Variants in HS6ST3 observed in about 807,000 individuals in gnomAD.
HS6ST3 encodes heparan-sulfate 6-O-sulfotransferase 3.
HS6ST3 carries 12 observed loss-of-function variants against 36.7 expected under a neutral mutation model. The ratio of observed to expected loss-of-function variants is 0.33; its 90% CI spans 0.21 to 0.53. The LOEUF (loss-of-function observed/expected upper bound fraction) is 0.53, where lower values mean the gene tolerates loss of function less well. Among genes scored for constraint, HS6ST3 ranks in the 20% least tolerant of loss-of-function variants. HS6ST3 has a pLI of 0.95. For synonymous variants in HS6ST3, 240 were observed against 257.5 expected (o/e 0.93, Z 0.65); for missense variants, 584 against 640.9 (o/e 0.91, Z 0.96).
intron 1 of HS6ST3, among the ~76,000 whole-genome samples, chr13:96,781,037 CA>C (rs1325264192): frequency 6.6e-6 from 1 of 151,944 alleles, no homozygotes; most frequent in Non-Finnish European, 1.5e-5. Flanking sequence ...GAGCCTAGAA[CA>C]GTCCATTTTA....
At chr13:96,767,979 T>A (rs1364675706) in intron 1 of HS6ST3, among the ~76,000 whole-genome samples, 1 of 152,170 alleles carries the variant, frequency 6.6e-6, no homozygotes, top group Non-Finnish European at 1.5e-5. Flanking sequence ...TTGGAAGCCG[T>A]TATACTTTTG....
chr13:96,308,039 A>T (rs1437985477), intron 1 of HS6ST3, among the ~76,000 whole-genome samples: 1 of 152,164 alleles, frequency 6.6e-6, no homozygotes, highest in African/African-American at 2.4e-5. Context: ...AATAACATTT[A>T]ACTACCACTT....
intron 1 of HS6ST3, among the ~76,000 whole-genome samples, chr13:96,210,963 A>T (rs1187076923): frequency 6.7e-6 from 1 of 149,286 alleles, no homozygotes; most frequent in Admixed American, 6.7e-5. Context: ...ACAGAGTCTC[A>T]CTCTGTTGCC....
At chr13:96,179,544 T>C (rs1039920103) in intron 1 of HS6ST3, among the ~76,000 whole-genome samples, 1 of 152,218 alleles carries the variant, frequency 6.6e-6, no homozygotes, top group Non-Finnish European at 1.5e-5. Flanking sequence ...GGGAACAAGA[T>C]AAATGTAGTT....
chr13:96,260,403 C>T (rs1386147675), intron 1 of HS6ST3, among the ~76,000 whole-genome samples: 1 of 151,920 alleles, frequency 6.6e-6, no homozygotes, highest in Non-Finnish European at 1.5e-5. Flanking sequence ...GCTCTGCCTC[C>T]TGGGTTCAAG....
At chr13:96,571,563 G>A (rs956669560) in intron 1 of HS6ST3, among the ~76,000 whole-genome samples, 1 of 152,126 alleles carries the variant, frequency 6.6e-6, no homozygotes, top group Non-Finnish European at 1.5e-5. Flanking sequence ...ATGTTTCTCT[G>A]TATAACAAAT....
chr13:96,261,109 A>T (rs2054664449), intron 1 of HS6ST3, among the ~76,000 whole-genome samples: 1 of 152,100 alleles, frequency 6.6e-6, no homozygotes, highest in Admixed American at 6.5e-5. Context: ...CAAATTCATT[A>T]TTTTAAAAAA....
At chr13:96,669,339 T>C (rs2056675606) in intron 1 of HS6ST3, among the ~76,000 whole-genome samples, 1 of 152,130 alleles carries the variant, frequency 6.6e-6, no homozygotes, top group Non-Finnish European at 1.5e-5. Flanking sequence ...AGATGGGCCC[T>C]CAGGAGGTAA....
At chr13:96,302,588 C>T (rs2054889232) in intron 1 of HS6ST3, among the ~76,000 whole-genome samples, 1 of 152,036 alleles carries the variant, frequency 6.6e-6, no homozygotes, top group Non-Finnish European at 1.5e-5. Context: ...CATTTATATA[C>T]ATGGGATTTA....
At chr13:96,628,716 A>C (rs1392658066) in intron 1 of HS6ST3, among the ~76,000 whole-genome samples, 1 of 152,042 alleles carries the variant, frequency 6.6e-6, no homozygotes, top group Non-Finnish European at 1.5e-5. Flanking sequence ...CTTTTTAATC[A>C]CTTTTTTTCC....
At chr13:96,658,925 A>G (rs1271127030) in intron 1 of HS6ST3, among the ~76,000 whole-genome samples, 1 of 151,130 alleles carries the variant, frequency 6.6e-6, no homozygotes, top group Non-Finnish European at 1.5e-5. Context: ...TCTGGTTGGT[A>G]TCGAACTCCT....
intron 1 of HS6ST3, among the ~76,000 whole-genome samples, chr13:96,330,986 G>C (rs1266788423): frequency 3.3e-5 from 5 of 150,958 alleles, no homozygotes; most frequent in Non-Finnish European, 5.9e-5. Flanking sequence ...GGCTCCTGAG[G>C]CTTCTGCATT....
chr13:96,648,601 G>T (rs1189611316), intron 1 of HS6ST3, among the ~76,000 whole-genome samples: 1 of 151,576 alleles, frequency 6.6e-6, no homozygotes, highest in Non-Finnish European at 1.5e-5. Flanking sequence ...CATCACCTAG[G>T]TATTAAGCAC....
chr13:96,097,171 G>C (rs2053795465), intron 1 of HS6ST3, among the ~76,000 whole-genome samples: 1 of 152,158 alleles, frequency 6.6e-6, no homozygotes. Flanking sequence ...CCTTCTTCCT[G>C]ATGGTTACCT....
At chr13:96,551,364 G>A (rs1460633297) in intron 1 of HS6ST3, among the ~76,000 whole-genome samples, 2 of 152,242 alleles carry the variant, frequency 1.3e-5, no homozygotes, top group East Asian at 3.9e-4. Flanking sequence ...TGAGATAGGT[G>A]CAAGGGTTGG....
intron 1 of HS6ST3, among the ~76,000 whole-genome samples, chr13:96,797,986 T>C (rs1291278718): frequency 6.6e-6 from 1 of 152,046 alleles, no homozygotes; most frequent in Non-Finnish European, 1.5e-5. Context: ...TCTGATGCAA[T>C]TCACAAGCCC....
At chr13:96,675,441 A>C (rs140759521) in intron 1 of HS6ST3, among the ~76,000 whole-genome samples, 2 of 152,216 alleles carry the variant, frequency 1.3e-5, no homozygotes, top group African/African-American at 4.8e-5. Context: ...TTTCAATATA[A>C]AAAGATATAT....
chr13:96,117,612 G>A (rs1315219749), intron 1 of HS6ST3, among the ~76,000 whole-genome samples: 1 of 152,164 alleles, frequency 6.6e-6, no homozygotes, highest in Non-Finnish European at 1.5e-5. Context: ...AATGACTGCA[G>A]CACATGGAAA....
chr13:96,358,822 C>G (rs1186549729), intron 1 of HS6ST3, among the ~76,000 whole-genome samples: 1 of 151,910 alleles, frequency 6.6e-6, no homozygotes, highest in Non-Finnish European at 1.5e-5. Context: ...GGGTATTATG[C>G]TGTCTGCAAC....
Sources: allele counts gnomAD v4.1 joint callset (sites outside exome capture counted in the v4.1 genomes callset), GRCh38; gene constraint gnomAD v4.1.1; transcripts MANE v1.5; gene names NCBI Gene and HGNC (gene_info 2026-07-23, HGNC 2026-07-21).